The following GALNT13 variants were observed in gnomAD, a reference collection of about 807,000 sequenced individuals.
GALNT13 encodes polypeptide N-acetylgalactosaminyltransferase 13, also known as UDP-GalNAc:polypeptide N-acetylgalactosaminyltransferase 13.
Under a neutral mutation model 64.2 loss-of-function variants are expected in GALNT13, and 28 were observed. That is an observed-to-expected ratio of 0.44 (90% confidence interval 0.32 to 0.60). The LOEUF (loss-of-function observed/expected upper bound fraction) is 0.60. Among genes scored for constraint, GALNT13 ranks in the 20% least tolerant of loss-of-function variants. The pLI is 0.05. For synonymous variants in GALNT13, 214 were observed against 224.6 expected (o/e 0.95, Z 0.42); for missense variants, 577 against 669.8 (o/e 0.86, Z 1.53).
chr2:154,169,742 A>G (rs1323014889), intron 4 of GALNT13, among the ~76,000 whole-genome samples: 1 of 152,170 alleles, frequency 6.6e-6, no homozygotes, highest in Non-Finnish European at 1.5e-5. Flanking sequence ...AAGTTTGGTA[A>G]TAAGTTACTT....
the GALNT13 span, among the ~76,000 whole-genome samples, chr2:153,627,947 G>A: frequency 6.6e-6 from 1 of 152,024 alleles, no homozygotes; most frequent in African/African-American, 2.4e-5. Context: ...TGGGCAGTAT[G>A]GCCATTTTCA....
intron 4 of GALNT13, among the ~76,000 whole-genome samples, chr2:154,147,906 G>C (rs1683717339): frequency 1.3e-5 from 2 of 149,430 alleles, no homozygotes; most frequent in East Asian, 3.9e-4. Flanking sequence ...CTGGGATTTT[G>C]CTTTTATTTT....
chr2:153,702,427 C>A, the GALNT13 span, among the ~76,000 whole-genome samples: 1 of 151,986 alleles, frequency 6.6e-6, no homozygotes, highest in Non-Finnish European at 1.5e-5. Flanking sequence ...ACCTGTGTAA[C>A]AAACCTGCAC....
chr2:154,009,419 TA>T (rs954709820), intron 3 of GALNT13, among the ~76,000 whole-genome samples: 4 of 151,904 alleles, frequency 2.6e-5, no homozygotes, highest in African/African-American at 4.8e-5. Context: ...AAATACTTTT[TA>T]AAAAAAATTC....
the GALNT13 span, among the ~76,000 whole-genome samples, chr2:153,324,435 T>C: frequency 1.3e-5 from 2 of 152,236 alleles, no homozygotes; most frequent in Non-Finnish European, 2.9e-5. Context: ...TCATGTAATA[T>C]GCAAACAGAC....
intron 8 of GALNT13, among the ~76,000 whole-genome samples, chr2:154,266,191 T>A (rs1294204234): frequency 1.3e-5 from 2 of 152,220 alleles, no homozygotes; most frequent in East Asian, 3.9e-4. Flanking sequence ...AAACATTGAA[T>A]GCTTTCCTTC....
the GALNT13 span, among the ~76,000 whole-genome samples, chr2:153,697,985 CG>C: frequency 9.9e-5 from 15 of 152,114 alleles, no homozygotes; most frequent in African/African-American, 3.6e-4. Flanking sequence ...ATTTCATATC[CG>C]GCCAAACTAA....
At chr2:154,054,700 T>A (rs561037995) in intron 3 of GALNT13, among the ~76,000 whole-genome samples, 3 of 152,032 alleles carry the variant, frequency 2.0e-5, no homozygotes, top group Non-Finnish European at 4.4e-5. Context: ...CTTCATAATT[T>A]TGGTTCATAA....
chr2:153,345,909 C>T, the GALNT13 span, among the ~76,000 whole-genome samples: 1 of 151,504 alleles, frequency 6.6e-6, no homozygotes, highest in African/African-American at 2.4e-5. Flanking sequence ...GATTCTGTCA[C>T]CTCAGCCTCC....
At chr2:154,044,932 C>CAT (rs375020520) in intron 3 of GALNT13, among the ~76,000 whole-genome samples, 29 of 152,094 alleles carry the variant, frequency 1.9e-4, no homozygotes, top group African/African-American at 6.5e-4. Context: ...ATTTGGAAGC[C>CAT]ATAGCATCGT....
chr2:154,219,917 A>G (rs1419965733), intron 4 of GALNT13, among the ~76,000 whole-genome samples: 1 of 152,126 alleles, frequency 6.6e-6, no homozygotes, highest in Non-Finnish European at 1.5e-5. Context: ...GGAGACCCTC[A>G]GCAGGGAGCA....
chr2:153,816,741 G>A, the GALNT13 span, among the ~76,000 whole-genome samples: 1 of 152,178 alleles, frequency 6.6e-6, no homozygotes, highest in South Asian at 2.1e-4. Context: ...TTTGTGGCAA[G>A]GTCAGATTTT....
intron 10 of GALNT13, among the ~76,000 whole-genome samples, chr2:154,407,324 G>A (rs948676989): frequency 8.5e-5 from 13 of 152,100 alleles, no homozygotes; most frequent in African/African-American, 2.2e-4. Context: ...TAGCAATAAT[G>A]TATAATCTTA....
chr2:154,296,172 T>C (rs1692913506), intron 8 of GALNT13, among the ~76,000 whole-genome samples: 1 of 152,160 alleles, frequency 6.6e-6, no homozygotes, highest in Admixed American at 6.5e-5. Context: ...CTTGTCCAGA[T>C]GCTATTAAAG....
the GALNT13 span, among the ~76,000 whole-genome samples, chr2:153,138,085 T>C: frequency 6.6e-6 from 1 of 152,086 alleles, no homozygotes; most frequent in Admixed American, 6.6e-5. Context: ...ATAAAAACTC[T>C]CTAAGGAGGT....
Position 154,452,305 on chromosome 2 carries a change from A to G in GALNT13, c.*1754A>G, listed in dbSNP as rs1052667098. The G allele has an allele frequency of 7.9e-5, 12 of 152,048 alleles. No individual in the cohort carries two copies. Among genetic ancestry groups the G allele is most frequent in the Admixed American group, 7.9e-4 (12 of 15,228 alleles). The allele number at this position is 152,048 out of a possible 1,614,324, so 9.4% of individuals were successfully genotyped here. A position where few individuals can be genotyped will look rare whatever the true frequency, so the allele number is the denominator to read the frequency against. On this transcript the variant is annotated 3_prime_UTR_variant, in exon 13 of 13. Coordinates refer to ENST00000392825, the MANE Select transcript of GALNT13 (RefSeq NM_052917.4). ...ACTTGGAAAGAAGGCTATGACTCCC[A>G]AGAGGCAGTGAACCATTGCCTTAAA...
the GALNT13 span, among the ~76,000 whole-genome samples, chr2:153,684,051 G>A: frequency 0.48 from 71,692 of 148,454 alleles, 17,471 homozygotes; most frequent in Admixed American, 0.54. Context: ...TCCTATATCA[G>A]TATTTCCTCT....
chr2:153,073,678 T>G, the GALNT13 span, among the ~76,000 whole-genome samples: 4 of 152,194 alleles, frequency 2.6e-5, no homozygotes, highest in Non-Finnish European at 4.4e-5. Flanking sequence ...GTGACCATTT[T>G]ATTGTCCAAA....
At chr2:153,791,232 G>A in the GALNT13 span, among the ~76,000 whole-genome samples, 6 of 152,024 alleles carry the variant, frequency 3.9e-5, no homozygotes, top group Non-Finnish European at 8.8e-5. Flanking sequence ...GCCTCTTCTC[G>A]AAAGAAGACA....
Sources: allele counts gnomAD v4.1 joint callset (sites outside exome capture counted in the v4.1 genomes callset), GRCh38; gene constraint gnomAD v4.1.1; transcripts MANE v1.5; gene names NCBI Gene and HGNC (gene_info 2026-07-23, HGNC 2026-07-21).